CPEB3: variants seen among roughly 807,000 people sequenced by gnomAD.
CPEB3 encodes cytoplasmic polyadenylation element binding protein 3.
CPEB3 carries 20 observed loss-of-function variants against 67.2 expected under a neutral mutation model. The observed-to-expected ratio is 0.30, with a 90% CI of 0.21 to 0.43. CPEB3 has a LOEUF of 0.43. Ranked by LOEUF, CPEB3 falls within the 20% of genes least tolerant of loss-of-function variation. The pLI, the probability that CPEB3 is intolerant of heterozygous loss-of-function variation, is 1.00. For missense variants in CPEB3, 746 were observed against 968.6 expected (o/e 0.77, Z 3.05); for synonymous variants, 376 against 393.1 (o/e 0.96, Z 0.51).
At chr10:92,139,066 T>A (rs181347635) in intron 6 of CPEB3, among the ~76,000 whole-genome samples, 3 of 152,106 alleles carry the variant, frequency 2.0e-5, no homozygotes, top group East Asian at 3.9e-4. Flanking sequence ...TCACCTGAGG[T>A]TGGGAGTTCG....
intron 1 of CPEB3, among the ~76,000 whole-genome samples, chr10:92,248,305 G>A (rs969274792): frequency 2.0e-5 from 3 of 152,162 alleles, no homozygotes; most frequent in Admixed American, 6.5e-5. Context: ...AAGTTTGTAC[G>A]TGTTCAGTAC....
At chr10:92,196,640 C>T (rs373509483) in intron 2 of CPEB3, among the ~76,000 whole-genome samples, 8 of 151,844 alleles carry the variant, frequency 5.3e-5, no homozygotes, top group African/African-American at 7.3e-5. Context: ...TGGTGACACG[C>T]GCCTGTAGTC....
intron 1 of CPEB3, among the ~76,000 whole-genome samples, chr10:92,285,947 CTTTTTT>C (rs11380868): frequency 7.0e-6 from 1 of 142,706 alleles, no homozygotes; most frequent in African/African-American, 2.6e-5. Flanking sequence ...TTGCTTTTTT[CTTTTTT>C]TTTTTTTGAG....
intron 4 of CPEB3, among the ~76,000 whole-genome samples, chr10:92,146,618 G>A (rs1335343899): frequency 6.6e-6 from 1 of 152,028 alleles, no homozygotes; most frequent in African/African-American, 2.4e-5. Context: ...TATAACTCTG[G>A]TTATTTTGTG....
chr10:92,271,298 C>A lies in CPEB3; in HGVS notation c.-12+19628G>T, dbSNP rs111567257. On this transcript the variant is annotated intron_variant, in intron 1 of 9. Coordinates refer to ENST00000265997, the MANE Select transcript of CPEB3 (RefSeq NM_014912.5). ...CCATATTCTCCAAATGTTAACAAAT[C>A]TTATATTATCATGGTATAATTATCA... 3.2e-3 allele frequency among the ~76,000 whole-genome samples: 489 copies of A among 152,282 alleles called. 3 individuals carry two copies. Among genetic ancestry groups the A allele is most frequent in the African/African-American group, 0.011 (455 of 41,576 alleles).
intron 2 of CPEB3, among the ~76,000 whole-genome samples, chr10:92,210,165 C>T (rs1032519733): frequency 1.9e-4 from 29 of 152,108 alleles, no homozygotes; most frequent in African/African-American, 6.0e-4. Context: ...ATTTAAATCA[C>T]AGCACACTGT....
At chr10:92,078,465 CT>C (rs1342341521) in intron 9 of CPEB3, among the ~76,000 whole-genome samples, 1 of 152,142 alleles carries the variant, frequency 6.6e-6, no homozygotes, top group Non-Finnish European at 1.5e-5. Context: ...GGACCTGAGG[CT>C]TCTGGCCTTA....
intron 2 of CPEB3, among the ~76,000 whole-genome samples, chr10:92,222,436 G>A (rs556870084): frequency 3.5e-4 from 53 of 152,094 alleles, no homozygotes; most frequent in Non-Finnish European, 7.4e-4. Context: ...AAAGCAATTT[G>A]AATTTGCTAG....
At chr10:92,084,919 A>T (rs1843312679) in intron 8 of CPEB3, among the ~76,000 whole-genome samples, 1 of 152,058 alleles carries the variant, frequency 6.6e-6, no homozygotes, top group Non-Finnish European at 1.5e-5. Context: ...TACTATGACC[A>T]CCCTTGAAGG....
At chr10:92,129,576 T>C (rs1248958394) in intron 6 of CPEB3, among the ~76,000 whole-genome samples, 2 of 152,156 alleles carry the variant, frequency 1.3e-5, no homozygotes, top group Non-Finnish European at 2.9e-5. Flanking sequence ...CCAGATTGCT[T>C]TGTTCTGGTT....
intron 5 of CPEB3, among the ~76,000 whole-genome samples, chr10:92,144,111 T>C (rs1846566601): frequency 6.6e-6 from 1 of 152,210 alleles, no homozygotes; most frequent in East Asian, 1.9e-4. Context: ...CAAATATTTA[T>C]TGACAACTTA....
intron 2 of CPEB3, among the ~76,000 whole-genome samples, chr10:92,223,749 AT>A (rs377483708): frequency 0.077 from 8,536 of 111,380 alleles, 831 homozygotes; most frequent in African/African-American, 0.26. Flanking sequence ...AATTTTTGTA[AT>A]TTTTTTTTTT....
At position 92,052,229 on chromosome 10, in the gene CPEB3, G is replaced by A. The variant is rs1841921338; in HGVS notation, c.2080C>T (p.Pro694Ser). ...KEGGDRPRHV[P>S]FRWS Reference sequence around the variant, plus strand: ...CCCGTGGCTCAGCTCCAGCGGAACGGGACGTGACGAGGGCGGTCGCCTCCC... The same window carrying A: ...CCCGTGGCTCAGCTCCAGCGGAACGAGACGTGACGAGGGCGGTCGCCTCCC... Residue 694 changes from proline (P) to serine (S), a missense_variant, in exon 10 of 10, where the codon CCG becomes TCG. Around this residue, in one of 2 missense-constraint regions of CPEB3, gnomAD observed 103 missense variants for 251.1 expected, o/e 0.41. Coordinates refer to ENST00000265997, the MANE Select transcript of CPEB3 (RefSeq NM_014912.5). 3 of 1,613,450 alleles carry A rather than the reference G, an allele frequency of 1.9e-6. No individual in the cohort carries two copies. Among genetic ancestry groups the A allele is most frequent in the Non-Finnish European group, 2.5e-6 (3 of 1,179,744 alleles).
chr10:92,195,049 A>G (rs1849173637), intron 2 of CPEB3, among the ~76,000 whole-genome samples: 1 of 132,708 alleles, frequency 7.5e-6, no homozygotes, highest in South Asian at 2.4e-4. Flanking sequence ...CTCAAAAAAC[A>G]CACACACACA....
At chr10:92,175,836 T>A (rs899836802) in intron 4 of CPEB3, among the ~76,000 whole-genome samples, 1 of 151,502 alleles carries the variant, frequency 6.6e-6, no homozygotes, top group South Asian at 2.1e-4. Context: ...ACAGCTGTAA[T>A]CCTAGCACTT....
chr10:92,239,801 C>A lies in CPEB3; in HGVS notation c.550G>T (p.Ala184Ser). 6 of 1,423,686 alleles carry A rather than the reference C, an allele frequency of 4.2e-6. No individual in the cohort carries two copies. Among genetic ancestry groups the A allele is most frequent in the Non-Finnish European group, 5.5e-6 (6 of 1,094,098 alleles). The allele number at this position is 1,423,686 out of a possible 1,614,324, so 88.2% of individuals were successfully genotyped here. A position where few individuals can be genotyped will look rare whatever the true frequency, so the allele number is the denominator to read the frequency against. The change falls in exon 2 of 10, where the codon GCG (alanine) becomes TCG (serine). Residue 184 changes from alanine to serine, a missense_variant. Ala to Ser is a moderately conservative substitution (Grantham distance 99). Transcript: ENST00000265997. This position sits in a 1 kb window ranked among gnomAD's most constrained non-coding sequence, Gnocchi z 6.0. ...GAGCGGCGCTGCTGCGGGGGCTGCG[C>A]CTGTGGTGGCTGCGCTGGCTGTGCC... Reference protein sequence around the residue: ...QPAQPAQPPQAQPPQQRRSPA... With the variant: ...QPAQPAQPPQSQPPQQRRSPA...
chr10:92,259,214 C>T (rs914403624), intron 1 of CPEB3, among the ~76,000 whole-genome samples: 14 of 151,854 alleles, frequency 9.2e-5, no homozygotes, highest in Non-Finnish European at 2.1e-4. Context: ...CCACCCACCT[C>T]AGCCTCCCAA....
rs1284881024 is a variant in CPEB3 at position 92,050,405 on chromosome 10, AAC to A, written c.*1805_*1806del. 6.6e-6 allele frequency: 1 copy of A among 152,662 alleles called. No individual in the cohort carries two copies. Among genetic ancestry groups the A allele is most frequent in the Non-Finnish European group, 1.5e-5 (1 of 68,048 alleles). The allele number at this position is 152,662 out of a possible 1,614,324, so 9.5% of individuals were successfully genotyped here. ...AGTACAAGGACATCACAGCACAGAA[AAC>A]ACAGCGACTTAAATCTATTCTGCAG... On this transcript the variant is annotated 3_prime_UTR_variant, in exon 10 of 10. Transcript: ENST00000265997.
At chr10:92,185,542 A>C (rs1848648983) in intron 3 of CPEB3, among the ~76,000 whole-genome samples, 1 of 152,228 alleles carries the variant, frequency 6.6e-6, no homozygotes, top group Non-Finnish European at 1.5e-5. Flanking sequence ...TGCTTTTATG[A>C]GTTCAAAATA....
Sources: gnomAD v4.1 joint callset for allele counts (sites outside exome capture counted in the v4.1 genomes callset) on GRCh38, gnomAD v4.1.1 for gene constraint, gnomAD v4.1.1 regional missense constraint, Gnocchi (gnomAD v3.1) non-coding constraint, MANE v1.5 for transcripts, NCBI Gene and HGNC (gene_info 2026-07-23, HGNC 2026-07-21) for gene names.